EPB41L4A: variants seen among roughly 807,000 people sequenced by gnomAD.
EPB41L4A encodes erythrocyte membrane protein band 4.1 like 4A.
In EPB41L4A, 100 loss-of-function variants were observed where a neutral mutation model predicts 108.6. The ratio of observed to expected loss-of-function variants is 0.92; its 90% CI spans 0.78 to 1.09. The LOEUF is 1.09. Ranked by LOEUF, EPB41L4A falls within the 50% of genes least tolerant of loss-of-function variation. The pLI is 0.00. For synonymous variants in EPB41L4A, 319 were observed against 289.0 expected (o/e 1.10, Z -1.05); for missense variants, 1,030 against 842.7 (o/e 1.22, Z -2.75).
At chr5:112,185,427 A>G (rs777608021) in intron 17 of EPB41L4A, among the ~76,000 whole-genome samples, 1 of 152,244 alleles carries the variant, frequency 6.6e-6, no homozygotes, top group Non-Finnish European at 1.5e-5. Flanking sequence ...TTCATTTCAC[A>G]TATAACTTAG....
intron 4 of EPB41L4A, among the ~76,000 whole-genome samples, chr5:112,273,527 C>T (rs534648066): frequency 2.0e-5 from 3 of 152,174 alleles, no homozygotes; most frequent in Non-Finnish European, 4.4e-5. Flanking sequence ...TTCCACTATA[C>T]ATCTAGAAAA....
chr5:112,314,148 G>A (rs562692649), intron 1 of EPB41L4A, among the ~76,000 whole-genome samples: 45 of 151,850 alleles, frequency 3.0e-4, no homozygotes, highest in African/African-American at 8.0e-4. Flanking sequence ...ATGAGCCACC[G>A]CACCTGGCCA....
chr5:112,281,627 C>A (rs576299728), intron 2 of EPB41L4A, among the ~76,000 whole-genome samples: 2 of 152,370 alleles, frequency 1.3e-5, no homozygotes, highest in African/African-American at 4.8e-5. Flanking sequence ...GAGGTAGGAG[C>A]TGACCCACTT....
chr5:112,151,029 G>A (rs1251728134), intron 12 of EPB41L4A, among the ~76,000 whole-genome samples: 9 of 152,066 alleles, frequency 5.9e-5, no homozygotes, highest in African/African-American at 1.7e-4. Context: ...GTCTGGGGAG[G>A]GATCTGAGAT....
At chr5:112,170,851 C>G in intron 19 of EPB41L4A, 94 bp downstream of exon 19, 2 of 1,095,964 alleles carry the variant, frequency 1.8e-6, no homozygotes. Context: ...GCAGGCATCA[C>G]GCTGAAGTTG....
intron 3 of EPB41L4A, among the ~76,000 whole-genome samples, chr5:112,278,368 C>T (rs751376415): frequency 7.9e-5 from 12 of 151,844 alleles, no homozygotes; most frequent in Non-Finnish European, 1.3e-4. Flanking sequence ...CTCTCTGCCT[C>T]AGCCTCCCGA....
intron 9 of EPB41L4A, among the ~76,000 whole-genome samples, chr5:112,252,930 AGG>A (rs1750794546): frequency 6.6e-6 from 1 of 152,182 alleles, no homozygotes; most frequent in Non-Finnish European, 1.5e-5. Flanking sequence ...AATAAATAAA[AGG>A]GAGAGAAGGC....
chr5:112,225,755 T>A (rs1388953139), intron 12 of EPB41L4A, among the ~76,000 whole-genome samples: 1 of 152,320 alleles, frequency 6.6e-6, no homozygotes, highest in Admixed American at 6.5e-5. Context: ...GCCCCCACCA[T>A]TTATATACCA....
chr5:112,161,631 T>C, downstream of EPB41L4A: 2 of 518,702 alleles, frequency 3.9e-6, no homozygotes. Flanking sequence ...GCTTTTACGT[T>C]TCCACGCGTG....
In EPB41L4A at chr5:112,265,095, T is replaced by C; in HGVS notation, c.434-79A>G. ...ACATAGAAATAAAATATTCCTAACA[T>C]GCTTAAACATTTTTTCAAATGTCTT... On this transcript the variant is annotated intron_variant, in intron 5 of 22. Transcript: ENST00000261486. 3 of 1,243,242 alleles carry C rather than the reference T, an allele frequency of 2.4e-6. No homozygotes were observed. The East Asian group carries it at 7.7e-5, about 32-fold the overall frequency. 77.0% of individuals were successfully genotyped at this position (1,243,242 alleles called of 1,614,324 possible).
rs1762911339 is a variant in EPB41L4A, at chr5:112,419,119, A to G, written c.-80T>C. The G allele has an allele frequency of 8.3e-6, 9 of 1,079,304 alleles. No homozygotes were observed. In the South Asian group the frequency reaches 1.2e-4, roughly 14 times the overall value. The allele number at this position is 1,079,304 out of a possible 1,614,324, so 66.9% of individuals were successfully genotyped here. ...CGCCCCCTCCACTCAAGCGCGATGC[A>G]TTAATTTATTGTCCGCGCCGTGGCG... On this transcript the variant is annotated 5_prime_UTR_variant, in exon 1 of 23. The change abolishes an upstream ATG in the 5' untranslated region. Coordinates refer to ENST00000261486, the MANE Select transcript of EPB41L4A (RefSeq NM_022140.5).
At chr5:112,170,733 A>G (rs565732660) in intron 19 of EPB41L4A, among the ~76,000 whole-genome samples, 71 of 152,304 alleles carry the variant, frequency 4.7e-4, no homozygotes, top group African/African-American at 1.6e-3. Flanking sequence ...AGACTAAATG[A>G]CCCAAGGTGA....
intron 1 of EPB41L4A, among the ~76,000 whole-genome samples, chr5:112,395,033 G>C (rs1361953962): frequency 6.6e-6 from 1 of 152,178 alleles, no homozygotes; most frequent in Non-Finnish European, 1.5e-5. Flanking sequence ...GGGAAAACTG[G>C]CTAGCCATAT....
At chr5:112,393,577 T>G (rs9798360) in intron 1 of EPB41L4A, among the ~76,000 whole-genome samples, 1 of 151,948 alleles carries the variant, frequency 6.6e-6, no homozygotes, top group African/African-American at 2.4e-5. Flanking sequence ...AATAACAGGC[T>G]CTGAAATTGA....
chr5:112,207,251 C>A (rs1314737235), intron 13 of EPB41L4A, among the ~76,000 whole-genome samples: 11 of 152,144 alleles, frequency 7.2e-5, no homozygotes, highest in African/African-American at 2.7e-4. Flanking sequence ...TGGACCTCTT[C>A]CTTTTACTAT....
chr5:112,307,474 G>A lies in EPB41L4A; in HGVS notation c.116C>T (p.Ser39Phe). The A allele has an allele frequency of 6.2e-7, 1 of 1,612,382 alleles. No homozygotes were observed. ...ATGGAATACGTGGTCAAGGACAACGGAACCTTTCGTTGACTTCTGCAAAAA... is the reference window on the plus strand; with the variant it reads ...ATGGAATACGTGGTCAAGGACAACGAAACCTTTCGTTGACTTCTGCAAAAA... Reference protein sequence around the residue: ...QQGIKKSTKGSVVLDHVFHHV... With the variant: ...QQGIKKSTKGFVVLDHVFHHV... Residue 39 changes from serine to phenylalanine, a missense_variant, in exon 2 of 23, where the codon TCC becomes TTC. Physicochemically the swap from Ser to Phe is radical, Grantham distance 155. Transcript: ENST00000261486.
At chr5:112,384,839 T>C (rs1322710559) in intron 1 of EPB41L4A, among the ~76,000 whole-genome samples, 2 of 152,144 alleles carry the variant, frequency 1.3e-5, no homozygotes, top group Non-Finnish European at 2.9e-5. Flanking sequence ...GGAATCACAA[T>C]GGAATTTTGC....
chr5:112,316,272 T>C (rs1384655038), intron 1 of EPB41L4A, among the ~76,000 whole-genome samples: 2 of 152,232 alleles, frequency 1.3e-5, no homozygotes, highest in East Asian at 1.9e-4. Flanking sequence ...AACAGCTTAC[T>C]CCTTCACAAA....
In EPB41L4A at chr5:112,148,330, C is replaced by G. The variant is rs181550184; in HGVS notation, n.995-2332G>C. ...TTTTGACTTTGGCTCTGATGATTTCCCAGTGTTCATATGGATAAATGTGAA... is the reference window on the plus strand; with the variant it reads ...TTTTGACTTTGGCTCTGATGATTTCGCAGTGTTCATATGGATAAATGTGAA... On this transcript the variant is annotated intron_variant and non_coding_transcript_variant, in intron 12 of 13. Coordinates refer to the EPB41L4A transcript ENST00000507810. Among the ~76,000 whole-genome samples, 20 of 150,594 alleles carry G rather than the reference C, an allele frequency of 1.3e-4. No homozygotes were observed. The East Asian group carries it at 2.5e-3, about 19-fold the overall frequency.
Sources: gnomAD v4.1 joint callset for allele counts (sites outside exome capture counted in the v4.1 genomes callset) on GRCh38, gnomAD v4.1.1 for gene constraint, MANE v1.5 for transcripts, NCBI Gene and HGNC (gene_info 2026-07-23, HGNC 2026-07-21) for gene names.